Variants in EYS observed in about 807,000 individuals in gnomAD.
EYS encodes the protein protein eyes shut homolog.
EYS carries 250 observed loss-of-function variants against 282.1 expected under a neutral mutation model. The ratio of observed to expected loss-of-function variants is 0.89; its 90% CI spans 0.80 to 0.98. The LOEUF (loss-of-function observed/expected upper bound fraction) is 0.98, where lower values mean the gene tolerates loss of function less well. Ranked by LOEUF, EYS falls within the 50% of genes least tolerant of loss-of-function variation. The probability of loss-of-function intolerance (pLI) is 0.00; values close to 1 mark genes in which losing one functional copy is unlikely to be tolerated. For missense variants in EYS, 4,016 were observed against 3,709.0 expected (o/e 1.08, Z -2.15); for synonymous variants, 1,355 against 1,282.9 (o/e 1.06, Z -1.20).
At chr6:65,465,201 C>T (rs560487028) in intron 5 of EYS, among the ~76,000 whole-genome samples, 9 of 152,148 alleles carry the variant, frequency 5.9e-5, no homozygotes, top group Non-Finnish European at 1.0e-4. Flanking sequence ...TGGTGCTTCA[C>T]GTCTGTAATT....
At chr6:64,636,042 C>G (rs989065423) in intron 22 of EYS, among the ~76,000 whole-genome samples, 3 of 151,872 alleles carry the variant, frequency 2.0e-5, no homozygotes, top group Non-Finnish European at 4.4e-5. Flanking sequence ...TCAATCCCAT[C>G]CCCATCAAGC....
At chr6:64,291,770 A>G (rs759765263) in intron 30 of EYS, among the ~76,000 whole-genome samples, 1 of 152,136 alleles carries the variant, frequency 6.6e-6, no homozygotes, top group Non-Finnish European at 1.5e-5. Flanking sequence ...TACTGGAATA[A>G]AAATAAAGTA....
At chr6:64,065,472 C>G (rs984541504) in intron 33 of EYS, among the ~76,000 whole-genome samples, 8 of 152,160 alleles carry the variant, frequency 5.3e-5, no homozygotes, top group African/African-American at 1.7e-4. Context: ...ATGTGATCAT[C>G]ATTTAGCAAT....
At position 64,833,600 on chromosome 6, in the gene EYS, A is replaced by T. The variant is rs1202939212; in HGVS notation, c.2993-10778T>A. 7.2e-5 allele frequency among the ~76,000 whole-genome samples: 11 copies of T among 151,904 alleles called. 1 individual carries two copies. The highest frequency in any genetic ancestry group is 6.6e-4 in the Admixed American group (10 of 15,202). ...ATTATTACCTCTGAAGATACATATA[A>T]CAACAAAAATGTGTCTCATATCAGT... is the stretch of plus-strand genomic sequence containing the variant. On this transcript the variant is annotated intron_variant, in intron 19 of 42. Coordinates refer to ENST00000503581, the MANE Select transcript of EYS (RefSeq NM_001142800.2).
chr6:64,385,399 ATCTT>A (rs1772875555), intron 29 of EYS, among the ~76,000 whole-genome samples: 1 of 152,168 alleles, frequency 6.6e-6, no homozygotes, highest in African/African-American at 2.4e-5. Context: ...CTGACATAAA[ATCTT>A]TCAACTACAG....
At chr6:64,971,042 T>G (rs1424332205) in intron 14 of EYS, among the ~76,000 whole-genome samples, 8 of 152,162 alleles carry the variant, frequency 5.3e-5, no homozygotes, top group Admixed American at 1.3e-4. Context: ...TCTGATATAA[T>G]GCAAGAAAAA....
chr6:64,863,062 A>G (rs1583234668), intron 19 of EYS, among the ~76,000 whole-genome samples: 1 of 152,086 alleles, frequency 6.6e-6, no homozygotes, highest in East Asian at 1.9e-4. Context: ...ATCCTCTCAA[A>G]TGTTAATTCC....
At chr6:64,846,648 C>A (rs1765724890) in intron 19 of EYS, among the ~76,000 whole-genome samples, 2 of 151,994 alleles carry the variant, frequency 1.3e-5, no homozygotes, top group Admixed American at 1.3e-4. Context: ...GTTATATATT[C>A]TCAAAGCAAT....
intron 2 of EYS, among the ~76,000 whole-genome samples, chr6:65,514,406 C>G (rs1481914384): frequency 2.0e-5 from 3 of 152,144 alleles, no homozygotes; most frequent in Admixed American, 2.0e-4. Context: ...ATCAATCTAC[C>G]AATGACTTTT....
intron 36 of EYS, among the ~76,000 whole-genome samples, chr6:63,820,479 A>G (rs1271138166): frequency 6.6e-6 from 1 of 152,188 alleles, no homozygotes; most frequent in Non-Finnish European, 1.5e-5. Context: ...GTTTTCTTTT[A>G]CAGCTCCAGA....
intron 12 of EYS, among the ~76,000 whole-genome samples, chr6:65,250,908 G>A (rs1767304216): frequency 6.6e-6 from 1 of 151,330 alleles, no homozygotes; most frequent in Non-Finnish European, 1.5e-5. Context: ...ATACCTTAAT[G>A]TAAAATTTAG....
At chr6:64,279,047 A>G (rs1400962758) in intron 30 of EYS, among the ~76,000 whole-genome samples, 1 of 152,176 alleles carries the variant, frequency 6.6e-6, no homozygotes, top group African/African-American at 2.4e-5. Flanking sequence ...CTACAAAAAC[A>G]TGCTGCCATC....
intron 41 of EYS, among the ~76,000 whole-genome samples, chr6:63,739,619 T>G (rs941631066): frequency 2.0e-5 from 3 of 152,194 alleles, no homozygotes; most frequent in East Asian, 1.9e-4. Flanking sequence ...ATCTGCATTA[T>G]GTACCATAAC....
At chr6:65,132,450 A>G (rs1775904631) in intron 12 of EYS, among the ~76,000 whole-genome samples, 1 of 151,992 alleles carries the variant, frequency 6.6e-6, no homozygotes, top group Non-Finnish European at 1.5e-5. Flanking sequence ...CACAAAAATA[A>G]AAGCAAACCC....
chr6:64,912,376 T>C (rs1394817521), intron 16 of EYS, 108 bp downstream of exon 16: 4 of 920,318 alleles, frequency 4.3e-6, no homozygotes, highest in African/African-American at 3.3e-5. Context: ...ACAATGTACA[T>C]AGGATTTTTC....
rs892058143 is a variant in EYS at position 64,368,174 on chromosome 6, G to C, written c.6078+20516C>G. ...GGTGCTCAAAGTTTAGTTCTCACTT[G>C]TAAGTGAAAACATGTGGTGTTTGGC... On this transcript the variant is annotated intron_variant, in intron 29 of 42. Transcript: ENST00000503581. Among the ~76,000 whole-genome samples, 9 of 152,186 alleles carry C rather than the reference G, an allele frequency of 5.9e-5. No homozygotes were observed. In the East Asian group the frequency reaches 1.5e-3, roughly 26 times the overall value.
chr6:65,582,128 G>A (rs529770657), intron 2 of EYS, among the ~76,000 whole-genome samples: 25 of 151,682 alleles, frequency 1.6e-4, no homozygotes, highest in South Asian at 2.1e-4. Context: ...CCCAGGAGGC[G>A]GAGGTTGCAA....
chr6:63,830,163 C>A (rs950008860), intron 36 of EYS, among the ~76,000 whole-genome samples: 1 of 152,184 alleles, frequency 6.6e-6, no homozygotes, highest in Non-Finnish European at 1.5e-5. Context: ...GTCTCTTCTC[C>A]TCCAAAGGAA....
intron 18 of EYS, among the ~76,000 whole-genome samples, chr6:64,894,914 T>A: frequency 6.6e-6 from 1 of 152,096 alleles, no homozygotes; most frequent in East Asian, 1.9e-4. Context: ...TACAGTGTAG[T>A]TGATATATTT....
Sources: allele counts gnomAD v4.1 joint callset (sites outside exome capture counted in the v4.1 genomes callset), GRCh38; gene constraint gnomAD v4.1.1; transcripts MANE v1.5; gene names NCBI Gene and HGNC (gene_info 2026-07-23, HGNC 2026-07-21).